Variants in UGT2B11 observed in about 807,000 individuals in gnomAD.
The protein encoded by UGT2B11 is UDP-glucuronosyltransferase 2B11.
Under a neutral mutation model 51.7 loss-of-function variants are expected in UGT2B11, and 49 were observed. The ratio of observed to expected loss-of-function variants is 0.95; its 90% confidence interval spans 0.75 to 1.20. The LOEUF (loss-of-function observed/expected upper bound fraction) is 1.20, where lower values mean the gene tolerates loss of function less well. Ranked by LOEUF, UGT2B11 falls within the 50% of genes most tolerant of loss-of-function variation. UGT2B11 has a pLI of 0.00. For synonymous variants in UGT2B11, 273 were observed against 209.0 expected (o/e 1.31, Z -2.64); for missense variants, 810 against 622.1 (o/e 1.30, Z -3.21).
In UGT2B11 at chr4:69,214,140, G is replaced by C. The variant is rs753483230; in HGVS notation, c.583C>G (p.Pro195Ala). Residue 195 changes from proline to alanine, a missense_variant, in exon 1 of 6, where the codon CCT becomes GCT. Coordinates refer to ENST00000446444, the MANE Select transcript of UGT2B11 (RefSeq NM_001073.3). Reference protein sequence around the residue: ...GGLIFPPSYIPIVMSKLSDQM... With the variant: ...GGLIFPPSYIAIVMSKLSDQM... ...TCACTTAATTTTGACATAACAATAG[G>C]TATGTAGGAAGGAGGGAAAATCAGT... 4 of 1,612,568 alleles carry C rather than the reference G, an allele frequency of 2.5e-6. No homozygotes were observed. Among genetic ancestry groups the C allele is most frequent in the Non-Finnish European group, 2.5e-6 (3 of 1,179,166 alleles).
upstream of UGT2B11, chr4:69,214,769 T>A (rs1190522312): frequency 6.3e-7 from 1 of 1,582,512 alleles, no homozygotes; most frequent in East Asian, 2.2e-5. Flanking sequence ...TTCTTTCTCA[T>A]ACTTATATAC....
intron 5 of UGT2B11, 25 bp from the exon 6 acceptor site, chr4:69,200,744 A>G (rs1362761458): frequency 7.6e-6 from 12 of 1,586,904 alleles, no homozygotes; most frequent in Admixed American, 1.8e-5. Context: ...TAAGGATACC[A>G]ACACTGAAAG....
the UGT2B11 span, among the ~76,000 whole-genome samples, chr4:69,221,417 G>C: frequency 5.9e-5 from 9 of 152,310 alleles, no homozygotes; most frequent in South Asian, 1.5e-3. Context: ...CTTTTAGCTT[G>C]ATTTGGACTG....
rs750613633 is a variant in UGT2B11, at chr4:69,204,519, C to T, written c.1221G>A (p.Lys407=). The T allele has an allele frequency of 1.2e-6, 2 of 1,612,304 alleles. No individual in the cohort carries two copies. The highest frequency in any genetic ancestry group is 1.7e-6 in the Non-Finnish European group (2 of 1,178,894). The part of the protein sequence containing the change: ...FDQPDNIAHM[K]AKGAAVRLDF... ...CCAATCTAACAGCTGCTCCCTTGGCCTTCATGTGAGCAATGTTATCAGGTT... is the reference window on the plus strand; with the variant it reads ...CCAATCTAACAGCTGCTCCCTTGGCTTTCATGTGAGCAATGTTATCAGGTT... The change falls in exon 5 of 6, where the codon AAG becomes AAA. Residue 407 remains lysine, a synonymous_variant. Transcript: ENST00000446444.
At chr4:69,211,476 T>C (rs1722062729) in intron 2 of UGT2B11, among the ~76,000 whole-genome samples, 1 of 151,624 alleles carries the variant, frequency 6.6e-6, no homozygotes, top group Non-Finnish European at 1.5e-5. Flanking sequence ...AGGAATGATA[T>C]CTCAAGTGAC....
At chr4:69,222,671 C>G in the UGT2B11 span, among the ~76,000 whole-genome samples, 12 of 152,286 alleles carry the variant, frequency 7.9e-5, no homozygotes, top group East Asian at 2.3e-3. Flanking sequence ...TGATAACTGT[C>G]CATGTGAGAT....
At chr4:69,204,363 C>T (rs1414683312) in intron 5 of UGT2B11, 67 bp downstream of exon 5, 1 of 1,590,306 alleles carries the variant, frequency 6.3e-7, no homozygotes, top group East Asian at 2.3e-5. Context: ...GGATGAAACT[C>T]ATGCTCACTA....
At chr4:69,213,578 GA>G (rs1722153553) in intron 1 of UGT2B11, among the ~76,000 whole-genome samples, 1 of 151,428 alleles carries the variant, frequency 6.6e-6, no homozygotes, top group Admixed American at 6.6e-5. Flanking sequence ...ATCTAAATAA[GA>G]AAACTGAGAT....
intron 5 of UGT2B11, among the ~76,000 whole-genome samples, chr4:69,202,673 C>T (rs1197289026): frequency 3.3e-5 from 5 of 151,558 alleles, no homozygotes; most frequent in Admixed American, 6.6e-5. Flanking sequence ...TGTTTTATGT[C>T]CTTACTCATT....
rs1162422056 is a variant in UGT2B11, at chr4:69,214,553, G to A, written c.170C>T (p.Ala57Val). 1.2e-6 allele frequency: 2 copies of A among 1,613,090 alleles called. No individual in the cohort carries two copies. Among genetic ancestry groups the A allele is most frequent in the Non-Finnish European group, 1.7e-6 (2 of 1,179,496 alleles). ...ATCAAAAAGAATGGAAGCTGAAGATGCCAGTACAGTCACCTCATGACCTCT... is the reference window on the plus strand; with the variant it reads ...ATCAAAAAGAATGGAAGCTGAAGATACCAGTACAGTCACCTCATGACCTCT... ...VQRGHEVTVL[A>V]SSASILFDPN... Residue 57 changes from alanine to valine, a missense_variant, in exon 1 of 6, where the codon GCA becomes GTA. By Grantham distance (64) the Ala-to-Val change is moderately conservative (BLOSUM62 0). Coordinates refer to ENST00000446444, the MANE Select transcript of UGT2B11 (RefSeq NM_001073.3).
upstream of UGT2B11, among the ~76,000 whole-genome samples, chr4:69,219,538 C>T (rs1234205742): frequency 6.6e-6 from 1 of 151,964 alleles, no homozygotes; most frequent in African/African-American, 2.4e-5. Flanking sequence ...AAGACATACC[C>T]GAGACTGGGT....
chr4:69,205,436 G>T, intron 4 of UGT2B11, 44 bp downstream of exon 4: 1 of 1,587,298 alleles, frequency 6.3e-7, no homozygotes. Context: ...ACCCTCTAAT[G>T]TGCAGTTACT....
chr4:69,204,064 G>C (rs928972176), intron 5 of UGT2B11, among the ~76,000 whole-genome samples: 1 of 151,648 alleles, frequency 6.6e-6, no homozygotes, highest in Non-Finnish European at 1.5e-5. Flanking sequence ...CAAGAAAATA[G>C]TTATATTCTG....
At position 69,212,735 on chromosome 4, in the gene UGT2B11, A is replaced by G. The variant is rs761976804; in HGVS notation, c.722-14T>C. The G allele has an allele frequency of 1.4e-5, 23 of 1,593,546 alleles. No homozygotes were observed. Among genetic ancestry groups the G allele is most frequent in the African/African-American group, 4.1e-5 (3 of 73,316 alleles). On this transcript the variant is annotated splice_polypyrimidine_tract_variant and intron_variant, in intron 1 of 5. Coordinates refer to ENST00000446444, the MANE Select transcript of UGT2B11 (RefSeq NM_001073.3). ...TAGTGGGTCTTCCTGACAGGAATAAAGAAAAGAAAAAGTGGATGATGTAAG... is the reference window on the plus strand; with the variant it reads ...TAGTGGGTCTTCCTGACAGGAATAAGGAAAAGAAAAAGTGGATGATGTAAG...
chr4:69,203,365 C>A (rs1721730707), intron 5 of UGT2B11, among the ~76,000 whole-genome samples: 1 of 151,586 alleles, frequency 6.6e-6, no homozygotes, highest in Non-Finnish European at 1.5e-5. Context: ...AGAGGTCTGG[C>A]AACAATGTGG....
chr4:69,212,605 A>C lies in UGT2B11; in HGVS notation c.838T>G (p.Phe280Val), dbSNP rs559723710. 4 of 1,608,664 alleles carry C rather than the reference A, an allele frequency of 2.5e-6. No individual in the cohort carries two copies. Among genetic ancestry groups the C allele is most frequent in the Admixed American group, 1.7e-5 (1 of 59,490 alleles). The change falls in exon 2 of 6, where the codon TTC (phenylalanine) becomes GTC (valine). Residue 280 changes from phenylalanine to valine, a missense_variant. By Grantham distance (50) the Phe-to-Val change is conservative. Coordinates refer to ENST00000446444, the MANE Select transcript of UGT2B11 (RefSeq NM_001073.3). ...FLPNVDFVGG[F>V]HCKPAKPLPK... ...AGGGGTTTGGCAGGTTTGCAGTGGA[A>C]TCCTCCAACAAAATCAACGTTTGGT...
At chr4:69,221,121 G>A in the UGT2B11 span, among the ~76,000 whole-genome samples, 60 of 152,312 alleles carry the variant, frequency 3.9e-4, no homozygotes, top group East Asian at 3.9e-4. Flanking sequence ...CATGGGAGGT[G>A]CTAGAAAGGA....
chr4:69,215,585 T>C (rs1012514366), upstream of UGT2B11: 5 of 152,082 alleles, frequency 3.3e-5, no homozygotes, highest in Non-Finnish European at 5.9e-5. Flanking sequence ...TTGATTAACA[T>C]TGATGTGCAT....
chr4:69,200,338 ACAGGAAG>A lies in UGT2B11; in HGVS notation c.*95_*101del. The stretch of plus-strand genomic sequence containing the variant: ...TTTTTTTTTTTTTTTTTTTTTTGTC[ACAGGAAG>A]AAAGAAATCTTGCATAACAATCTTT... On this transcript the variant is annotated 3_prime_UTR_variant, in exon 6 of 6. Transcript: ENST00000446444. The A allele has an allele frequency of 4.8e-6, 5 of 1,033,664 alleles. No individual in the cohort carries two copies. Among genetic ancestry groups the A allele is most frequent in the Middle Eastern group, 3.0e-4 (1 of 3,302 alleles). The allele number at this position is 1,033,664 out of a possible 1,614,324, so 64.0% of individuals were successfully genotyped here. A position where few individuals can be genotyped will look rare whatever the true frequency, so the allele number is the denominator to read the frequency against.
Sources: allele counts gnomAD v4.1 joint callset (sites outside exome capture counted in the v4.1 genomes callset), GRCh38; gene constraint gnomAD v4.1.1; transcripts MANE v1.5; gene names NCBI Gene and HGNC (gene_info 2026-07-23, HGNC 2026-07-21).